The following CACNA1G variants were observed in gnomAD, a reference collection of about 807,000 sequenced individuals.
CACNA1G encodes voltage-dependent T-type calcium channel subunit alpha-1G.
In CACNA1G, 67 loss-of-function variants were observed where a neutral mutation model predicts 219.4. That is an observed-to-expected ratio of 0.31 (90% confidence interval 0.25 to 0.37). CACNA1G has a LOEUF of 0.37. Among genes scored for constraint, CACNA1G ranks in the 10% least tolerant of loss-of-function variants. The probability of loss-of-function intolerance (pLI) is 1.00; values close to 1 mark genes in which losing one functional copy is unlikely to be tolerated. For missense variants in CACNA1G, 2,380 were observed against 3,231.4 expected, an observed-to-expected ratio of 0.74 and a Z score of 6.39; for synonymous variants, 1,296 against 1,345.3, an observed-to-expected ratio of 0.96 and a Z score of 0.80.
chr17:50,623,558 G>A (rs2052766964), intron 35 of CACNA1G, among the ~76,000 whole-genome samples: 1 of 151,934 alleles, frequency 6.6e-6, no homozygotes, highest in Admixed American at 6.5e-5. Flanking sequence ...GCTGGGGGCT[G>A]GGGGCTGCTC....
At chr17:50,612,786 C>A (rs2049511179) in intron 26 of CACNA1G, among the ~76,000 whole-genome samples, 1 of 152,262 alleles carries the variant, frequency 6.6e-6, no homozygotes, top group African/African-American at 2.4e-5. Flanking sequence ...CCCTTCCCCC[C>A]ACTGTCTGAC....
At chr17:50,606,354 T>C (rs898787779) in intron 23 of CACNA1G, 2 of 623,676 alleles carry the variant, frequency 3.2e-6, no homozygotes, top group African/African-American at 3.7e-5. Context: ...ATGTGAATCC[T>C]GTGCAAATCC....
At position 50,617,646 on chromosome 17, in the gene CACNA1G, G is replaced by T. The variant is rs1278655866; in HGVS notation, c.5155+75G>T. 13 of 1,557,666 alleles carry T rather than the reference G, an allele frequency of 8.3e-6. No individual in the cohort carries two copies. The highest frequency in any genetic ancestry group is 1.0e-5 in the Non-Finnish European group (12 of 1,145,484). On this transcript the variant is annotated intron_variant, in intron 29 of 37. Coordinates refer to ENST00000359106, the MANE Select transcript of CACNA1G (RefSeq NM_018896.5). This position sits in a 1 kb window ranked among gnomAD's most constrained non-coding sequence, Gnocchi z 5.8. ...AGAGAGAGCAAGGGTCGGCTTTGTGGCTGGTCAAGGCCTGGGCGGCTGTGG... is the reference window on the plus strand; with the variant it reads ...AGAGAGAGCAAGGGTCGGCTTTGTGTCTGGTCAAGGCCTGGGCGGCTGTGG...
At chr17:50,609,397 C>T (rs888078119) in intron 25 of CACNA1G, among the ~76,000 whole-genome samples, 3 of 152,170 alleles carry the variant, frequency 2.0e-5, no homozygotes, top group African/African-American at 2.4e-5. Flanking sequence ...GGTAGGGGTC[C>T]GGGTTCGGCT....
chr17:50,610,810 G>A lies in CACNA1G; in HGVS notation c.4759+875G>A, dbSNP rs545445006. ...TTTCTTTCATCATTTTTACTAATCAGAGGCGCATCTAATTGCTAATCACAG... is the reference window on the plus strand; with the variant it reads ...TTTCTTTCATCATTTTTACTAATCAAAGGCGCATCTAATTGCTAATCACAG... On this transcript the variant is annotated intron_variant, in intron 26 of 37. Coordinates refer to ENST00000359106, the MANE Select transcript of CACNA1G (RefSeq NM_018896.5). 2.6e-5 allele frequency among the ~76,000 whole-genome samples: 4 copies of A among 152,326 alleles called. No homozygotes were observed. The East Asian group carries it at 7.7e-4, about 29-fold the overall frequency.
Position 50,604,294 on chromosome 17 carries a change from CT to C in CACNA1G, c.4296+14del, listed in dbSNP as rs1324509720. 7 of 1,612,376 alleles carry C rather than the reference CT, an allele frequency of 4.3e-6. No individual in the cohort carries two copies. The highest frequency in any genetic ancestry group is 5.9e-6 in the Non-Finnish European group (7 of 1,178,750). The stretch of plus-strand genomic sequence containing the variant: ...CTTGGGGGTGCAGGTGTGTGGGGTT[CT>C]GGGGGCCAGCTGTGGGTGAAAGCCT... On this transcript the variant is annotated intron_variant, in intron 22 of 37. Transcript: ENST00000359106.
intron 12 of CACNA1G, 33 bp downstream of exon 12, chr17:50,591,886 GGCCGTCAGGT>G: frequency 6.2e-7 from 1 of 1,613,760 alleles, no homozygotes; most frequent in South Asian, 1.1e-5. Flanking sequence ...CGTGGACAGG[GGCCGTCAGGT>G]GCCCCTAGTA....
chr17:50,587,270 C>T (rs2043175309), intron 9 of CACNA1G, among the ~76,000 whole-genome samples: 1 of 152,142 alleles, frequency 6.6e-6, no homozygotes, highest in Non-Finnish European at 1.5e-5. Context: ...AGGCACCACA[C>T]CCCTCGGAGC....
rs1260604410 is a variant in CACNA1G at position 50,624,370 on chromosome 17, G to T, written c.6240G>T (p.Leu2080Phe). ...TCCCTCCCTCCACAGGCTCCGTCTTGTCCGTTCACTCCCAGCCAGCAGATA... is the reference window on the plus strand; with the variant it reads ...TCCCTCCCTCCACAGGCTCCGTCTTTTCCGTTCACTCCCAGCCAGCAGATA... ...GLPKAQSGSVLSVHSQPADTS... is the reference protein window; with the variant it reads ...GLPKAQSGSVFSVHSQPADTS... The change falls in exon 37 of 38, where the codon TTG becomes TTT. Residue 2080 changes from leucine (L) to phenylalanine (F), a missense_variant. This residue lies in a region of CACNA1G where 672 missense variants were observed against 670.5 expected (regional missense o/e 1.00). Coordinates refer to ENST00000359106, the MANE Select transcript of CACNA1G (RefSeq NM_018896.5). The T allele has an allele frequency of 1.7e-5, 22 of 1,328,720 alleles. No individual in the cohort carries two copies. Among genetic ancestry groups the T allele is most frequent in the Non-Finnish European group, 2.2e-5 (21 of 975,846 alleles). The allele number at this position is 1,328,720 out of a possible 1,614,324, so 82.3% of individuals were successfully genotyped here. A position where few individuals can be genotyped will look rare whatever the true frequency, so the allele number is the denominator to read the frequency against.
In CACNA1G at chr17:50,564,568, G is replaced by T. The variant is rs140676749; in HGVS notation, c.242+2867G>T. Among the ~76,000 whole-genome samples, 514 of 151,766 alleles carry T rather than the reference G, an allele frequency of 3.4e-3. 1 individual carries two copies. Among genetic ancestry groups the T allele is most frequent in the African/African-American group, 0.011 (472 of 41,326 alleles). ...GCCCTAATGGCTTCCAGAAGTGAGT[G>T]TGAGTGAGTGACTGTGCGTCACTCT... On this transcript the variant is annotated intron_variant, in intron 1 of 37. Transcript: ENST00000359106.
chr17:50,581,685 G>T (rs1168374198), intron 9 of CACNA1G, among the ~76,000 whole-genome samples: 1 of 152,246 alleles, frequency 6.6e-6, no homozygotes, highest in African/African-American at 2.4e-5. Flanking sequence ...GAACTGGCAG[G>T]ATTGGGTTTG....
chr17:50,581,818 C>T (rs774295362), intron 9 of CACNA1G, among the ~76,000 whole-genome samples: 26 of 152,222 alleles, frequency 1.7e-4, no homozygotes, highest in Admixed American at 3.3e-4. Context: ...CCGCTCAGGG[C>T]GGTACATGGA....
Position 50,578,504 on chromosome 17 carries a change from G to A in CACNA1G, c.2241G>A (p.Arg747=). ...TTGTGGACAGCAAGTACTTTGGCCG[G>A]GGAATCATGATCGCCATCCTGGTCA... ...RKIVDSKYFG[R]GIMIAILVNT... The change falls in exon 9 of 38, where the codon CGG becomes CGA. Residue 747 remains arginine, a synonymous_variant. Transcript: ENST00000359106. The surrounding 1 kb of genome is among the most constrained non-coding windows in gnomAD (Gnocchi z 4.5). 1 of 1,584,964 alleles carries A rather than the reference G, an allele frequency of 6.3e-7. No homozygotes were observed. The highest frequency in any genetic ancestry group is 1.8e-5 in the Admixed American group (1 of 56,720).
rs77688102 is a variant in CACNA1G at position 50,575,384 on chromosome 17, G to A, written c.1141-159G>A. Among the ~76,000 whole-genome samples, 1,387 of 152,282 alleles carry A rather than the reference G, an allele frequency of 9.1e-3. 10 individuals carry two copies. Among genetic ancestry groups the A allele is most frequent in the Non-Finnish European group, 0.016 (1,114 of 68,020 alleles). On this transcript the variant is annotated intron_variant, in intron 7 of 37. Transcript: ENST00000359106. ...TACCTGTCTGATGGAGATTACAATAGCATCACCTCCTGAGGCTGTCTTAAA... is the reference window on the plus strand; with the variant it reads ...TACCTGTCTGATGGAGATTACAATAACATCACCTCCTGAGGCTGTCTTAAA...
In CACNA1G at chr17:50,600,675, C is replaced by A; in HGVS notation, c.3691-51C>A. On this transcript the variant is annotated intron_variant, in intron 17 of 37. Transcript: ENST00000359106. This position sits in a 1 kb window ranked among gnomAD's most constrained non-coding sequence, Gnocchi z 4.1. Reference sequence around the variant, plus strand: ...GTGACTCTGCTGAGGAGCCAGGAGCCGGGGAACCTGGAGGCCTGGTCCTGC... The same window carrying A: ...GTGACTCTGCTGAGGAGCCAGGAGCAGGGGAACCTGGAGGCCTGGTCCTGC... The A allele has an allele frequency of 6.6e-7, 1 of 1,510,404 alleles. No individual in the cohort carries two copies. Among genetic ancestry groups the A allele is most frequent in the Non-Finnish European group, 9.2e-7 (1 of 1,086,902 alleles). 93.6% of individuals were successfully genotyped at this position (1,510,404 alleles called of 1,614,324 possible).
rs1286569833 is a variant in CACNA1G, at chr17:50,572,569, C to A, written c.762C>A (p.Asp254Glu). Residue 254 changes from aspartate to glutamate, a missense_variant, in exon 6 of 38, where the codon GAC (aspartate) becomes GAA (glutamate). Around this residue, in one of 17 missense-constraint regions of CACNA1G, gnomAD observed 68 missense variants for 85.3 expected, o/e 0.80. Coordinates refer to ENST00000359106, the MANE Select transcript of CACNA1G (RefSeq NM_018896.5). The stretch of plus-strand genomic sequence containing the variant: ...CATCCTGCAGCCCCCTGAGCGTGGA[C>A]CTGGAGCGCTATTACCAGACAGAGA... Reference protein sequence around the residue: ...PENFSLPLSVDLERYYQTENE... With the variant: ...PENFSLPLSVELERYYQTENE... 1 of 1,556,410 alleles carries A rather than the reference C, an allele frequency of 6.4e-7. No homozygotes were observed.
rs571265348 is a variant in CACNA1G at position 50,570,074 on chromosome 17, G to T, written c.586+271G>T. Among the ~76,000 whole-genome samples the T allele has an allele frequency of 3.9e-5, 6 of 152,298 alleles. No homozygotes were observed. In the East Asian group the frequency reaches 1.2e-3, roughly 29 times the overall value. ...GATGACCCTCTTCCTTCAGCTAGAT[G>T]ACCACTCCCCCCAGGAGGATAGGGG... On this transcript the variant is annotated intron_variant, in intron 4 of 37. Coordinates refer to ENST00000359106, the MANE Select transcript of CACNA1G (RefSeq NM_018896.5).
At chr17:50,561,824 A>C (rs1369980489) in intron 1 of CACNA1G, 123 bp downstream of exon 1, 1 of 6,560 alleles carries the variant, frequency 1.5e-4, no homozygotes, top group Non-Finnish European at 2.6e-4. Context: ...GGGTAGGCGG[A>C]TGGGGGGGGG....
rs2050743369 is a variant in CACNA1G at position 50,617,035 on chromosome 17, T to TA, written c.5022-402dup. ...ATTTTTTATTTTTATTTTTAGTAGA[T>TA]ACAGGGTCTCACTATGTTGCCCAGG... On this transcript the variant is annotated intron_variant, in intron 28 of 37. Coordinates refer to ENST00000359106, the MANE Select transcript of CACNA1G (RefSeq NM_018896.5). The surrounding 1 kb of genome is among the most constrained non-coding windows in gnomAD (Gnocchi z 5.8). Among the ~76,000 whole-genome samples the TA allele has an allele frequency of 1.3e-5, 2 of 152,130 alleles. No individual in the cohort carries two copies. Among genetic ancestry groups the TA allele is most frequent in the Admixed American group, 1.3e-4 (2 of 15,274 alleles).
Sources: gnomAD v4.1 joint callset for allele counts (sites outside exome capture counted in the v4.1 genomes callset) on GRCh38, gnomAD v4.1.1 for gene constraint, gnomAD v4.1.1 regional missense constraint, Gnocchi (gnomAD v3.1) non-coding constraint, MANE v1.5 for transcripts, NCBI Gene and HGNC (gene_info 2026-07-23, HGNC 2026-07-21) for gene names.